GRIN2D: variants seen among roughly 807,000 people sequenced by gnomAD.
GRIN2D encodes glutamate ionotropic receptor NMDA type subunit 2D, also known as glutamate receptor ionotropic, NMDA 2D.
Under a neutral mutation model 103.2 loss-of-function variants are expected in GRIN2D, and 37 were observed. The ratio of observed to expected loss-of-function variants is 0.36; its 90% CI spans 0.28 to 0.47. GRIN2D has a LOEUF of 0.47. Ranked by LOEUF, GRIN2D falls within the 20% of genes least tolerant of loss-of-function variation. The probability of loss-of-function intolerance (pLI) is 1.00; values close to 1 mark genes in which losing one functional copy is unlikely to be tolerated. For synonymous variants in GRIN2D, 845 were observed against 885.6 expected (o/e 0.95, Z 0.81); for missense variants, 1,557 against 1,910.6 (o/e 0.81, Z 3.45).
intron 7 of GRIN2D, among the ~76,000 whole-genome samples, chr19:48,415,710 T>A (rs541855685): frequency 1.4e-3 from 211 of 149,110 alleles, no homozygotes; most frequent in Non-Finnish European, 2.7e-3. Context: ...AGGGTGAGAA[T>A]CTAGGGGAAG....
At chr19:48,400,996 G>A (rs891828716) in intron 3 of GRIN2D, among the ~76,000 whole-genome samples, 1 of 151,832 alleles carries the variant, frequency 6.6e-6, no homozygotes, top group Non-Finnish European at 1.5e-5. Context: ...GAACCTGGGA[G>A]GCGGAGGTTG....
chr19:48,441,947 C>G lies in GRIN2D; in HGVS notation c.2431C>G (p.Leu811Val), dbSNP rs1328202326. Residue 811 changes from leucine (L) to valine (V), a missense_variant, in exon 12 of 14, where the codon CTG becomes GTG. Leu to Val is a conservative substitution (Grantham distance 32). Around this residue, in one of 7 missense-constraint regions of GRIN2D, gnomAD observed 138 missense variants for 270.2 expected, o/e 0.51. Transcript: ENST00000263269. ...CATCGACCTGGCGTTGCTGCAGTTC[C>G]TGGGGGATGGTGCGGCTGCACACAG... ...RPIDLALLQF[L>V]GDDEIEMLER... 1.2e-6 allele frequency: 2 copies of G among 1,605,946 alleles called. No individual in the cohort carries two copies. The highest frequency in any genetic ancestry group is 1.7e-6 in the Non-Finnish European group (2 of 1,177,332).
rs769587372 is a variant in GRIN2D at position 48,421,759 on chromosome 19, C to T, written c.2092-26C>T. 8.7e-6 allele frequency: 14 copies of T among 1,606,940 alleles called. No homozygotes were observed. The African/African-American group carries it at 1.2e-4, about 14-fold the overall frequency. On this transcript the variant is annotated intron_variant, in intron 10 of 13. Coordinates refer to ENST00000263269, the MANE Select transcript of GRIN2D (RefSeq NM_000836.4). This position sits in a 1 kb window ranked among gnomAD's most constrained non-coding sequence, Gnocchi z 4.8. ...TTAGGGATGTCCCTGCGGAGGGTGC[C>T]CTAATCACTCCCCATTCTGCCCCAG...
At chr19:48,434,748 A>G (rs1971208472) in intron 11 of GRIN2D, among the ~76,000 whole-genome samples, 2 of 151,716 alleles carry the variant, frequency 1.3e-5, no homozygotes, top group East Asian at 1.9e-4. Flanking sequence ...CTTTTGTTAA[A>G]TTTATTCCTA....
chr19:48,398,535 C>A lies in GRIN2D; in HGVS notation c.143C>A (p.Ala48Glu), dbSNP rs893837905. ...AGGPGGGLGG[A>E]RPLNVALVFS... is the part of the protein sequence containing the mutation. The stretch of plus-strand genomic sequence containing the variant: ...GGGCCCGGCGGCGGCCTCGGCGGGG[C>A]GCGGCCGCTCAACGTGGCGCTCGTG... The change falls in exon 3 of 14, where the codon GCG (alanine) becomes GAG (glutamate). Residue 48 changes from alanine (A) to glutamate (E), a missense_variant. This residue lies in a region of GRIN2D where 490 missense variants were observed against 601.1 expected (regional missense o/e 0.82). Transcript: ENST00000263269. The A allele has an allele frequency of 1.8e-6, 2 of 1,087,180 alleles. No homozygotes were observed. Among genetic ancestry groups the A allele is most frequent in the African/African-American group, 3.4e-5 (2 of 59,164 alleles). 67.3% of individuals were successfully genotyped at this position (1,087,180 alleles called of 1,614,324 possible).
intron 11 of GRIN2D, among the ~76,000 whole-genome samples, chr19:48,423,080 G>A (rs1313912173): frequency 1.3e-5 from 2 of 151,840 alleles, no homozygotes; most frequent in Non-Finnish European, 2.9e-5. Context: ...GCGTGGTGGC[G>A]GGCGCCTGTA....
intron 11 of GRIN2D, among the ~76,000 whole-genome samples, chr19:48,426,687 C>T (rs868696680): frequency 4.6e-5 from 7 of 151,858 alleles, no homozygotes; most frequent in Non-Finnish European, 7.4e-5. Context: ...CAGGTTCAGG[C>T]GATTCTCCTG....
chr19:48,435,606 G>A (rs540663316), intron 11 of GRIN2D, among the ~76,000 whole-genome samples: 9 of 152,140 alleles, frequency 5.9e-5, no homozygotes, highest in African/African-American at 9.6e-5. Flanking sequence ...CACCACACCC[G>A]GCTAATTTTT....
chr19:48,425,524 G>A (rs1971076509), intron 11 of GRIN2D, among the ~76,000 whole-genome samples: 1 of 152,146 alleles, frequency 6.6e-6, no homozygotes, highest in Non-Finnish European at 1.5e-5. Flanking sequence ...TTACAGGCGT[G>A]AGCCACCGTA....
chr19:48,442,623 T>C lies in GRIN2D; in HGVS notation c.2697T>C (p.Ala899=), dbSNP rs62130268. ...AGGGCATGTACAGCTGCTGCAGCGC[T>C]GAGGCCGCCCCACCGCCCGCCAAGC... ...FSRGMYSCCS[A]EAAPPPAKPP... The change falls in exon 14 of 14, where the codon GCT becomes GCC. Residue 899 remains alanine (A), a synonymous_variant. Coordinates refer to ENST00000263269, the MANE Select transcript of GRIN2D (RefSeq NM_000836.4). The surrounding 1 kb of genome is among the most constrained non-coding windows in gnomAD (Gnocchi z 7.2). 1,318,193 of 1,501,470 alleles carry C rather than the reference T, an allele frequency of 0.88. 583,528 individuals carry two copies. The highest frequency in any genetic ancestry group is 0.91 in the Non-Finnish European group (1,025,944 of 1,128,500). 93.0% of individuals were successfully genotyped at this position (1,501,470 alleles called of 1,614,324 possible).
Position 48,414,236 on chromosome 19 carries a change from C to G in GRIN2D, c.1200+131C>G. 3 of 899,124 alleles carry G rather than the reference C, an allele frequency of 3.3e-6. No individual in the cohort carries two copies. The highest frequency in any genetic ancestry group is 5.3e-6 in the Non-Finnish European group (3 of 569,812). The allele number at this position is 899,124 out of a possible 1,614,324, so 55.7% of individuals were successfully genotyped here. A position where few individuals can be genotyped will look rare whatever the true frequency, so the allele number is the denominator to read the frequency against. ...AGCCTGGACTCCTGGGTCCTGGGAT[C>G]TGAAGGTGGGAGGGGCTCCTGGGTC... On this transcript the variant is annotated intron_variant, in intron 5 of 13. Transcript: ENST00000263269. The surrounding 1 kb of genome is among the most constrained non-coding windows in gnomAD (Gnocchi z 4.6).
chr19:48,396,040 T>C (rs76607635), intron 2 of GRIN2D, among the ~76,000 whole-genome samples: 11,497 of 152,098 alleles, frequency 0.076, 616 homozygotes, highest in African/African-American at 0.15. Flanking sequence ...AGGTAGGGGA[T>C]AGCGCTTCCG....
At chr19:48,413,860 C>A in intron 4 of GRIN2D, 131 bp from the exon 5 acceptor site, 1 of 651,182 alleles carries the variant, frequency 1.5e-6, no homozygotes, top group Non-Finnish European at 2.8e-6. Flanking sequence ...GTTTTTGAGA[C>A]CTTGGAGGTA....
chr19:48,398,913 G>A, intron 3 of GRIN2D, 56 bp downstream of exon 3: 3 of 1,280,520 alleles, frequency 2.3e-6, no homozygotes, highest in South Asian at 2.2e-5. Flanking sequence ...AGCCGCTGAG[G>A]GGCGGGACTG....
rs1029482485 is a variant in GRIN2D at position 48,408,288 on chromosome 19, C to T, written c.1085+2935C>T. 1.5e-4 allele frequency among the ~76,000 whole-genome samples: 22 copies of T among 147,098 alleles called. 1 individual carries two copies. The highest frequency in any genetic ancestry group is 3.6e-4 in the African/African-American group (14 of 39,382). ...GGCGGAGCTTGCAGTGAGCCGAGAT[C>T]GAGCCACTGCACTCCAGCCTGGGTG... On this transcript the variant is annotated intron_variant, in intron 4 of 13. Coordinates refer to ENST00000263269, the MANE Select transcript of GRIN2D (RefSeq NM_000836.4).
At chr19:48,412,473 GAA>G (rs1569063248) in intron 4 of GRIN2D, among the ~76,000 whole-genome samples, 64 of 150,510 alleles carry the variant, frequency 4.3e-4, no homozygotes, top group African/African-American at 1.2e-3. Context: ...AAGAAAGAAA[GAA>G]AGAAAGAGAG....
At chr19:48,425,940 C>T (rs1490850056) in intron 11 of GRIN2D, among the ~76,000 whole-genome samples, 1 of 152,122 alleles carries the variant, frequency 6.6e-6, no homozygotes, top group Non-Finnish European at 1.5e-5. Context: ...CCCTGCCCCT[C>T]CAGTCACCAT....
chr19:48,424,353 C>T (rs924070928), intron 11 of GRIN2D, among the ~76,000 whole-genome samples: 3 of 147,944 alleles, frequency 2.0e-5, no homozygotes, highest in Non-Finnish European at 4.4e-5. Context: ...TCACTGCAAG[C>T]GCCGCCTCCC....
intron 9 of GRIN2D, 68 bp from the exon 10 acceptor site, chr19:48,419,517 T>C (rs1336207118): frequency 1.9e-6 from 1 of 518,702 alleles, no homozygotes; most frequent in Non-Finnish European, 2.3e-6. Context: ...AGTTCTTTCT[T>C]TTTTTTTTTT....
Sources: gnomAD v4.1 joint callset for allele counts (sites outside exome capture counted in the v4.1 genomes callset) on GRCh38, gnomAD v4.1.1 for gene constraint, gnomAD v4.1.1 regional missense constraint, Gnocchi (gnomAD v3.1) non-coding constraint, MANE v1.5 for transcripts, NCBI Gene and HGNC (gene_info 2026-07-23, HGNC 2026-07-21) for gene names.